Variants in GAS6 observed in about 807,000 individuals in gnomAD.
GAS6 encodes growth arrest-specific protein 6.
Under a neutral mutation model 75.8 loss-of-function variants are expected in GAS6, and 41 were observed. The ratio of observed to expected loss-of-function variants is 0.54; its 90% CI spans 0.42 to 0.70. GAS6 has a LOEUF of 0.70. Among genes scored for constraint, GAS6 ranks in the 30% least tolerant of loss-of-function variants. GAS6 has a pLI of 0.00. For missense variants in GAS6, 854 were observed against 940.2 expected (o/e 0.91, Z 1.20); for synonymous variants, 432 against 412.6 (o/e 1.05, Z -0.57).
In GAS6 at chr13:113,821,503, G is replaced by A. The variant is rs113391820; in HGVS notation, c.1882+455C>T. On this transcript the variant is annotated intron_variant, in intron 14 of 14. Transcript: ENST00000327773. ...CCCAGCTCATGGCAAGGACATCCCC[G>A]GTCCCAGCCTCTGTGCTGTGTAGCC... 1,165 of 227,472 alleles carry A rather than the reference G, an allele frequency of 5.1e-3. 11 individuals are homozygous for A. Among genetic ancestry groups the A allele is most frequent in the African/African-American group, 0.024 (1,101 of 45,032 alleles). 14.1% of individuals were successfully genotyped at this position (227,472 alleles called of 1,614,324 possible). A position where few individuals can be genotyped will look rare whatever the true frequency, so the allele number is the denominator to read the frequency against.
At position 113,845,958 on chromosome 13, in the gene GAS6, G is replaced by A. The variant is rs571228187; in HGVS notation, c.343+569C>T. The stretch of plus-strand genomic sequence containing the variant: ...GAACGCATCCCGCAGACACTCAGAC[G>A]TGTGGGAGGCAACAGGTGCATGAGG... On this transcript the variant is annotated intron_variant, in intron 4 of 14. Coordinates refer to ENST00000327773, the MANE Select transcript of GAS6 (RefSeq NM_000820.4). The surrounding 1 kb of genome is among the most constrained non-coding windows in gnomAD (Gnocchi z 4.3). Among the ~76,000 whole-genome samples the A allele has an allele frequency of 2.1e-4, 32 of 152,374 alleles. No individual in the cohort carries two copies. The East Asian group carries it at 2.1e-3, about 10-fold the overall frequency.
intron 4 of GAS6, 25 bp downstream of exon 4, chr13:113,846,502 G>A: frequency 1.2e-6 from 2 of 1,611,138 alleles, no homozygotes; most frequent in Non-Finnish European, 1.7e-6. Flanking sequence ...GTGCTCCCAG[G>A]AAGGCGCAAA....
Position 113,822,123 on chromosome 13 carries a change from G to A in GAS6, c.1717C>T (p.Gln573Ter). The change falls in exon 14 of 15, where the codon CAA (glutamine) becomes TAA (stop). Residue 573 changes from glutamine to a stop codon, truncating the protein, a stop_gained. Coordinates refer to ENST00000327773, the MANE Select transcript of GAS6 (RefSeq NM_000820.4). LOFTEE classifies it high-confidence loss of function. ...AGCGAGACGGTGACCACGTGCTCTT[G>A]GCCGTCGCAGACCTTGATCTCCATT... ...ALMEIKVCDG[Q>*]EHVVTVSLRD... The A allele has an allele frequency of 1.2e-6, 2 of 1,600,694 alleles. No individual in the cohort carries two copies. Among genetic ancestry groups the A allele is most frequent in the Non-Finnish European group, 8.5e-7 (1 of 1,175,288 alleles).
chr13:113,824,417 T>C (rs78929955), intron 12 of GAS6, among the ~76,000 whole-genome samples: 10 of 89,822 alleles, frequency 1.1e-4, no homozygotes, highest in South Asian at 4.9e-4. Context: ...CAGGAGCACA[T>C]GCGGTCTGGG....
chr13:113,862,952 C>A (rs1299966166), intron 2 of GAS6, among the ~76,000 whole-genome samples: 3 of 152,114 alleles, frequency 2.0e-5, no homozygotes, highest in African/African-American at 4.8e-5. Context: ...CGGGAGGCGG[C>A]CCCGGGCGCC....
chr13:113,850,797 A>G (rs947212735), intron 2 of GAS6, among the ~76,000 whole-genome samples: 1 of 150,976 alleles, frequency 6.6e-6, no homozygotes, highest in South Asian at 2.1e-4. Flanking sequence ...TGGATGAGTG[A>G]ATGGATGAAT....
intron 14 of GAS6, 142 bp from the exon 15 acceptor site, chr13:113,821,160 G>T: frequency 1.2e-6 from 1 of 858,644 alleles, no homozygotes; most frequent in Non-Finnish European, 1.8e-6. Flanking sequence ...TAACTTCTCG[G>T]TCCCCGTTCG....
chr13:113,826,432 AGGCACCTTCTCTCCCCAGCCTCCCG>A (rs1566354527), intron 12 of GAS6, among the ~76,000 whole-genome samples: 12 of 120,358 alleles, frequency 1.0e-4, no homozygotes, highest in African/African-American at 4.1e-4. Flanking sequence ...CTGGCCTCGC[AGGCACCTTCTCTCCCCAGCCTCCCG>A]GCGCCGGCCT....
intron 4 of GAS6, chr13:113,840,978 C>A (rs1303282304): frequency 6.6e-6 from 1 of 152,414 alleles, no homozygotes; most frequent in Non-Finnish European, 1.5e-5. Context: ...CCAGCATCGT[C>A]CTAAGGGGTC....
intron 4 of GAS6, 130 bp from the exon 5 acceptor site, chr13:113,839,980 G>T: frequency 7.3e-7 from 1 of 1,376,186 alleles, no homozygotes; most frequent in African/African-American, 1.4e-5. Flanking sequence ...GCAGGCTGAG[G>T]CAGCCCCTGG....
chr13:113,829,238 C>G (rs34281565), intron 10 of GAS6, among the ~76,000 whole-genome samples: 47 of 62,914 alleles, frequency 7.5e-4, no homozygotes, highest in African/African-American at 9.0e-4. Context: ...CAATCTCAGG[C>G]AGACCACATG....
chr13:113,833,775 CTGGTGTGACAAGTCAGTGTGACAGGCAG>C, intron 8 of GAS6: 1 of 1,006,994 alleles, frequency 9.9e-7, no homozygotes, highest in East Asian at 1.2e-4. Flanking sequence ...GTGTGAGACA[CTGGTGTGACAAGTCAGTGTGACAGGCAG>C]TGGTGTGACA....
chr13:113,854,334 C>T (rs2051897414), intron 2 of GAS6, among the ~76,000 whole-genome samples: 1 of 152,258 alleles, frequency 6.6e-6, no homozygotes, highest in Non-Finnish European at 1.5e-5. Context: ...ATCAGTGTCT[C>T]TCATGGGCTT....
At chr13:113,859,174 G>C (rs936661532) in intron 2 of GAS6, among the ~76,000 whole-genome samples, 1 of 151,712 alleles carries the variant, frequency 6.6e-6, no homozygotes, top group Non-Finnish European at 1.5e-5. Context: ...ATGTCTGCTA[G>C]TATGTGCCTT....
At position 113,820,741 on chromosome 13, in the gene GAS6, C is replaced by T. The variant is rs2051442850; in HGVS notation, c.*123G>A. Reference sequence around the variant, plus strand: ...CATCTCACTATTTACAGATATGTTACAGGCCGGGATGGTCACAGAGGAAAG... The same window carrying T: ...CATCTCACTATTTACAGATATGTTATAGGCCGGGATGGTCACAGAGGAAAG... On this transcript the variant is annotated 3_prime_UTR_variant, in exon 15 of 15. Transcript: ENST00000327773. 4.4e-6 allele frequency: 5 copies of T among 1,128,892 alleles called. No individual in the cohort carries two copies. The highest frequency in any genetic ancestry group is 3.1e-5 in the African/African-American group (2 of 63,766). 69.9% of individuals were successfully genotyped at this position (1,128,892 alleles called of 1,614,324 possible). A position where few individuals can be genotyped will look rare whatever the true frequency, so the allele number is the denominator to read the frequency against.
rs1224572849 is a variant in GAS6 at position 113,864,038 on chromosome 13, G to GGCGGCGGCGGCGGCT, written c.-133_-119dup. 8.3e-5 allele frequency: 80 copies of GGCGGCGGCGGCGGCT among 966,304 alleles called. No individual in the cohort carries two copies. Among genetic ancestry groups the GGCGGCGGCGGCGGCT allele is most frequent in the Middle Eastern group, 5.1e-4 (1 of 1,950 alleles). The allele number at this position is 966,304 out of a possible 1,614,324, so 59.9% of individuals were successfully genotyped here. On this transcript the variant is annotated 5_prime_UTR_variant, in exon 1 of 15. Coordinates refer to ENST00000327773, the MANE Select transcript of GAS6 (RefSeq NM_000820.4). The stretch of plus-strand genomic sequence containing the variant: ...GCCCTGAAGGTCACATCGCGGCGGC[G>GGCGGCGGCGGCGGCT]GCGGCGGCGGCGGCTGCGGCACCTC...
At chr13:113,834,220 G>C (rs554170849) in intron 8 of GAS6, among the ~76,000 whole-genome samples, 207 of 150,416 alleles carry the variant, frequency 1.4e-3, no homozygotes, top group African/African-American at 4.7e-3. Context: ...GGTGTGACAG[G>C]TCGGTGTGAC....
At chr13:113,829,453 GTCTC>G (rs1465454259) in intron 10 of GAS6, among the ~76,000 whole-genome samples, 4 of 149,498 alleles carry the variant, frequency 2.7e-5, no homozygotes, top group Non-Finnish European at 4.4e-5. Context: ...GGCCAAGAGG[GTCTC>G]AATCTCAGGG....
At chr13:113,847,985 GC>G in intron 3 of GAS6, 40 bp downstream of exon 3, 1 of 1,573,898 alleles carries the variant, frequency 6.4e-7, no homozygotes, top group African/African-American at 1.3e-5. Flanking sequence ...CCCCAACTAT[GC>G]CTCTACGACA....
Sources: gnomAD v4.1 joint callset for allele counts (sites outside exome capture counted in the v4.1 genomes callset) on GRCh38, gnomAD v4.1.1 for gene constraint, Gnocchi (gnomAD v3.1) non-coding constraint, MANE v1.5 for transcripts, NCBI Gene and HGNC (gene_info 2026-07-23, HGNC 2026-07-21) for gene names.